The following ZDHHC14 variants were observed in gnomAD, a reference collection of about 807,000 sequenced individuals.
ZDHHC14 encodes palmitoyltransferase ZDHHC14.
A neutral mutation model predicts 47.7 loss-of-function variants in ZDHHC14; 16 were observed. The ratio of observed to expected loss-of-function variants is 0.34; its 90% CI spans 0.23 to 0.51. The LOEUF (loss-of-function observed/expected upper bound fraction) is 0.51, where lower values mean the gene tolerates loss of function less well. ZDHHC14 is among the 20% of genes least tolerant of loss of function. The pLI is 0.97. For missense variants in ZDHHC14, 515 were observed against 662.5 expected, an observed-to-expected ratio of 0.78 and a Z score of 2.44; for synonymous variants, 293 against 278.9, an observed-to-expected ratio of 1.05 and a Z score of -0.50.
chr6:157,515,196 T>C (rs2114756226), intron 1 of ZDHHC14, among the ~76,000 whole-genome samples: 1 of 152,244 alleles, frequency 6.6e-6, no homozygotes, highest in East Asian at 1.9e-4. Context: ...TAATGAGTCA[T>C]CCCACAGTTG....
chr6:157,597,013 T>C (rs1705624825), intron 3 of ZDHHC14, among the ~76,000 whole-genome samples: 1 of 152,250 alleles, frequency 6.6e-6, no homozygotes, highest in Non-Finnish European at 1.5e-5. Context: ...TTGTCCCTGC[T>C]GCCTGTTTCC....
Position 157,673,079 on chromosome 6 carries a change from A to G in ZDHHC14, c.1424A>G (p.His475Arg), listed in dbSNP as rs1778883382. The change falls in exon 9 of 9, where the codon CAT becomes CGT. Residue 475 changes from histidine (H) to arginine (R), a missense_variant. By Grantham distance (29) the His-to-Arg change is conservative. Coordinates refer to ENST00000359775, the MANE Select transcript of ZDHHC14 (RefSeq NM_024630.3). The surrounding 1 kb of genome is among the most constrained non-coding windows in gnomAD (Gnocchi z 5.4). ...VLGLASQDSL[H>R]EDSVRGLVKL... The stretch of plus-strand genomic sequence containing the variant: ...GGCCTGGCCAGCCAGGACTCCCTGC[A>G]TGAGGACTCTGTGCGCGGCCTGGTG... 1 of 1,574,030 alleles carries G rather than the reference A, an allele frequency of 6.4e-7. No individual in the cohort carries two copies. The highest frequency in any genetic ancestry group is 2.3e-5 in the East Asian group (1 of 43,614).
intron 3 of ZDHHC14, among the ~76,000 whole-genome samples, chr6:157,612,596 A>G (rs1784794866): frequency 1.3e-5 from 2 of 152,200 alleles, no homozygotes; most frequent in South Asian, 2.1e-4. Context: ...CAGGGTTGTC[A>G]TGGTATACAC....
chr6:157,395,401 A>G (rs9505860), intron 1 of ZDHHC14, among the ~76,000 whole-genome samples: 3,163 of 151,180 alleles, frequency 0.021, 105 homozygotes, highest in African/African-American at 0.073. Flanking sequence ...CCTGAGCTCA[A>G]GTGATCCTTC....
At chr6:157,413,289 G>A (rs1241238700) in intron 1 of ZDHHC14, among the ~76,000 whole-genome samples, 12 of 152,144 alleles carry the variant, frequency 7.9e-5, no homozygotes. Flanking sequence ...GACGACTGGG[G>A]ACAGCCCTAA....
chr6:157,462,085 A>G (rs1157507288), intron 1 of ZDHHC14, among the ~76,000 whole-genome samples: 2 of 152,184 alleles, frequency 1.3e-5, no homozygotes, highest in East Asian at 3.9e-4. Context: ...ACAACTCACT[A>G]TAGATCTGTG....
chr6:157,644,261 G>A (rs571823140), intron 5 of ZDHHC14, among the ~76,000 whole-genome samples: 1 of 152,342 alleles, frequency 6.6e-6, no homozygotes, highest in South Asian at 2.1e-4. Flanking sequence ...GGTGGAGAGA[G>A]GGGCCTCTTT....
At chr6:157,443,860 T>G (rs961950320) in intron 1 of ZDHHC14, among the ~76,000 whole-genome samples, 23 of 152,234 alleles carry the variant, frequency 1.5e-4, no homozygotes, top group African/African-American at 2.9e-4. Flanking sequence ...AGAGTGGAGA[T>G]GTCTGCCTTC....
At chr6:157,397,023 C>CT (rs1373660310) in intron 1 of ZDHHC14, among the ~76,000 whole-genome samples, 1 of 152,192 alleles carries the variant, frequency 6.6e-6, no homozygotes, top group Non-Finnish European at 1.5e-5. Flanking sequence ...CAAGAATGAT[C>CT]TATCAGGACA....
At chr6:157,579,254 G>A (rs370887073) in intron 2 of ZDHHC14, among the ~76,000 whole-genome samples, 18 of 131,056 alleles carry the variant, frequency 1.4e-4, no homozygotes, top group Admixed American at 8.8e-4. Context: ...CTGGAGTGCA[G>A]TGGCGCGATC....
rs556800895 is a variant in ZDHHC14 at position 157,617,419 on chromosome 6, G to C, written c.566-10930G>C. 2.0e-3 allele frequency among the ~76,000 whole-genome samples: 304 copies of C among 152,194 alleles called. 2 individuals are homozygous for C. Among genetic ancestry groups the C allele is most frequent in the Middle Eastern group, 0.017 (5 of 294 alleles). On this transcript the variant is annotated intron_variant, in intron 3 of 8. Coordinates refer to ENST00000359775, the MANE Select transcript of ZDHHC14 (RefSeq NM_024630.3). Reference sequence around the variant, plus strand: ...ATTTTTTAAAAAATGGGTTCTGCTTGGACTCATCGCAGTTGGCTTCTCAAG... The same window carrying C: ...ATTTTTTAAAAAATGGGTTCTGCTTCGACTCATCGCAGTTGGCTTCTCAAG...
At chr6:157,640,628 C>G (rs1318163822) in intron 5 of ZDHHC14, among the ~76,000 whole-genome samples, 4 of 152,248 alleles carry the variant, frequency 2.6e-5, no homozygotes, top group African/African-American at 7.2e-5. Flanking sequence ...GAGCTGGAGC[C>G]CAGTTCTCCC....
chr6:157,626,014 C>T (rs1409680767), intron 3 of ZDHHC14, among the ~76,000 whole-genome samples: 2 of 152,064 alleles, frequency 1.3e-5, no homozygotes, highest in Non-Finnish European at 2.9e-5. Flanking sequence ...CTGCCTCCGT[C>T]GGGAAAGCAC....
intron 2 of ZDHHC14, among the ~76,000 whole-genome samples, chr6:157,553,928 GGGCTCTTCCT>G (rs1211901558): frequency 1.3e-5 from 2 of 152,128 alleles, no homozygotes; most frequent in African/African-American, 4.8e-5. Flanking sequence ...TGTCCCATGA[GGGCTCTTCCT>G]GCCACCATGT....
At chr6:157,483,947 A>G (rs1256505245) in intron 1 of ZDHHC14, among the ~76,000 whole-genome samples, 1 of 152,180 alleles carries the variant, frequency 6.6e-6, no homozygotes, top group Non-Finnish European at 1.5e-5. Context: ...CGTAAACACC[A>G]TGGAATACTA....
chr6:157,629,682 C>G (rs768175084), intron 4 of ZDHHC14: 1 of 152,166 alleles, frequency 6.6e-6, no homozygotes, highest in Non-Finnish European at 1.5e-5. Flanking sequence ...AAACGTGACA[C>G]AAATGTGTAA....
chr6:157,472,978 G>T (rs1398702471), intron 1 of ZDHHC14, among the ~76,000 whole-genome samples: 1 of 152,138 alleles, frequency 6.6e-6, no homozygotes, highest in African/African-American at 2.4e-5. Context: ...GAAAAGCAAA[G>T]ATAACAAGAT....
chr6:157,454,912 A>G (rs1004937142), intron 1 of ZDHHC14, among the ~76,000 whole-genome samples: 1 of 152,212 alleles, frequency 6.6e-6, no homozygotes, highest in Non-Finnish European at 1.5e-5. Flanking sequence ...TTTCAGTTGG[A>G]CCAGAAAGCA....
chr6:157,488,217 G>A (rs1031511899), intron 1 of ZDHHC14, among the ~76,000 whole-genome samples: 4 of 152,144 alleles, frequency 2.6e-5, no homozygotes, highest in East Asian at 1.9e-4. Context: ...AGTGGGAGGC[G>A]GGTATGAAAG....
Sources: allele counts gnomAD v4.1 joint callset (sites outside exome capture counted in the v4.1 genomes callset), GRCh38; gene constraint gnomAD v4.1.1; non-coding constraint Gnocchi (gnomAD v3.1); transcripts MANE v1.5; gene names NCBI Gene and HGNC (gene_info 2026-07-23, HGNC 2026-07-21).